VAV3: variants seen among roughly 807,000 people sequenced by gnomAD.
VAV3 encodes the protein vav guanine nucleotide exchange factor 3, also known as guanine nucleotide exchange factor VAV3.
A neutral mutation model predicts 131.2 loss-of-function variants in VAV3; 94 were observed. That is an observed-to-expected ratio of 0.72 (90% CI 0.61 to 0.85). The LOEUF (loss-of-function observed/expected upper bound fraction) is 0.85. Ranked by LOEUF, VAV3 falls within the 40% of genes least tolerant of loss-of-function variation. VAV3 has a pLI of 0.00. For missense variants in VAV3, 939 were observed against 1,002.7 expected, an observed-to-expected ratio of 0.94 and a Z score of 0.86; for synonymous variants, 349 against 342.0, an observed-to-expected ratio of 1.02 and a Z score of -0.22.
chr1:107,665,617 A>G (rs899899867), intron 19 of VAV3, among the ~76,000 whole-genome samples: 8 of 152,162 alleles, frequency 5.3e-5, no homozygotes, highest in African/African-American at 1.9e-4. Flanking sequence ...TCACAAATAC[A>G]CTTTCATATG....
At chr1:107,906,440 G>A (rs1036296850) in intron 1 of VAV3, among the ~76,000 whole-genome samples, 6 of 152,052 alleles carry the variant, frequency 3.9e-5, no homozygotes, top group African/African-American at 1.2e-4. Context: ...CGAGGTGGGC[G>A]GATCATGAGG....
At chr1:107,658,049 G>A (rs1656708795) in intron 19 of VAV3, among the ~76,000 whole-genome samples, 1 of 152,098 alleles carries the variant, frequency 6.6e-6, no homozygotes, top group South Asian at 2.1e-4. Flanking sequence ...TTTACCTACT[G>A]GGCACAATAC....
intron 19 of VAV3, among the ~76,000 whole-genome samples, chr1:107,643,589 T>G (rs1364725385): frequency 2.0e-5 from 3 of 152,146 alleles, no homozygotes; most frequent in African/African-American, 7.2e-5. Flanking sequence ...TTTGCACATT[T>G]AAGGACTGAA....
At chr1:107,650,654 A>G (rs377166936) in intron 19 of VAV3, among the ~76,000 whole-genome samples, 9 of 150,308 alleles carry the variant, frequency 6.0e-5, no homozygotes, top group Admixed American at 5.3e-4. Context: ...GGTGTGCTGC[A>G]CCCATTAACT....
rs184130540 is a variant in VAV3, at chr1:107,824,898, T to C, written c.322-45406A>G. ...AAGAAATAGAAGAACAGGAACACTA[T>C]TTTAAGAGTAAAAGAACCCACAGAT... is the stretch of plus-strand genomic sequence containing the variant. On this transcript the variant is annotated intron_variant, in intron 2 of 26. Coordinates refer to ENST00000370056, the MANE Select transcript of VAV3 (RefSeq NM_006113.5). 2.6e-5 allele frequency among the ~76,000 whole-genome samples: 4 copies of C among 151,706 alleles called. No individual in the cohort carries two copies. The East Asian group carries it at 7.8e-4, about 30-fold the overall frequency.
intron 19 of VAV3, among the ~76,000 whole-genome samples, chr1:107,666,160 C>T (rs1657391927): frequency 1.3e-5 from 2 of 152,058 alleles, no homozygotes; most frequent in South Asian, 4.1e-4. Flanking sequence ...TATTAGGATA[C>T]TAAGATGTGA....
At chr1:107,963,766 T>G (rs1170913181) in intron 1 of VAV3, among the ~76,000 whole-genome samples, 1 of 152,136 alleles carries the variant, frequency 6.6e-6, no homozygotes, top group East Asian at 1.9e-4. Flanking sequence ...GTTTTAACAT[T>G]CTGAAAGAGA....
intron 20 of VAV3, among the ~76,000 whole-genome samples, chr1:107,634,393 T>C (rs1209909051): frequency 6.6e-6 from 1 of 152,122 alleles, no homozygotes; most frequent in Non-Finnish European, 1.5e-5. Context: ...ATTTAATAAA[T>C]GGTGCTGGGA....
intron 12 of VAV3, among the ~76,000 whole-genome samples, chr1:107,753,167 G>T (rs1457811958): frequency 1.3e-5 from 2 of 152,014 alleles, no homozygotes; most frequent in African/African-American, 2.4e-5. Flanking sequence ...CTACAAGGAT[G>T]AACTTTGAAG....
chr1:107,679,330 T>C (rs1373754089), intron 19 of VAV3, among the ~76,000 whole-genome samples: 1 of 152,186 alleles, frequency 6.6e-6, no homozygotes, highest in Non-Finnish European at 1.5e-5. Context: ...GAAAGGACTC[T>C]TATCAATTTA....
At chr1:107,871,832 A>G (rs1002496871) in intron 2 of VAV3, among the ~76,000 whole-genome samples, 4 of 152,166 alleles carry the variant, frequency 2.6e-5, no homozygotes, top group African/African-American at 4.8e-5. Flanking sequence ...AAAACACCAC[A>G]ATGAGAAAAG....
intron 2 of VAV3, among the ~76,000 whole-genome samples, chr1:107,871,263 T>C (rs557413798): frequency 6.6e-5 from 10 of 152,172 alleles, no homozygotes; most frequent in Non-Finnish European, 1.5e-4. Context: ...CAGAAAGAGA[T>C]TCATCTTTTT....
chr1:107,880,265 G>A (rs1670702407), intron 1 of VAV3, among the ~76,000 whole-genome samples: 1 of 152,160 alleles, frequency 6.6e-6, no homozygotes, highest in African/African-American at 2.4e-5. Flanking sequence ...AGGAGTGGTT[G>A]GTGTTTAGAA....
chr1:107,775,121 A>C (rs929594689), intron 4 of VAV3, among the ~76,000 whole-genome samples: 1 of 152,188 alleles, frequency 6.6e-6, no homozygotes. Context: ...AAGGGCTGGC[A>C]TCTCAGAGCA....
chr1:107,745,575 G>A (rs1215580086), intron 15 of VAV3, among the ~76,000 whole-genome samples: 1 of 152,162 alleles, frequency 6.6e-6, no homozygotes, highest in Non-Finnish European at 1.5e-5. Context: ...TGAGATTTAG[G>A]TCACCTCTGG....
Position 107,815,639 on chromosome 1 carries a change from A to G in VAV3, c.322-36147T>C, listed in dbSNP as rs964687974. Among the ~76,000 whole-genome samples, 20 of 152,226 alleles carry G rather than the reference A, an allele frequency of 1.3e-4. 1 individual carries two copies. The highest frequency in any genetic ancestry group is 4.8e-4 in the African/African-American group (20 of 41,462). On this transcript the variant is annotated intron_variant, in intron 2 of 26. Coordinates refer to ENST00000370056, the MANE Select transcript of VAV3 (RefSeq NM_006113.5). ...GAGATGCTAATGAGAATGGCTTATA[A>G]AACAGTAGTAAACTGCTTCTTTAAA...
chr1:107,665,657 A>G (rs762282525), intron 19 of VAV3, among the ~76,000 whole-genome samples: 5 of 152,192 alleles, frequency 3.3e-5, no homozygotes, highest in African/African-American at 4.8e-5. Context: ...CAAGGGTGGG[A>G]GCTAACTAGT....
At chr1:107,908,977 T>C (rs554140889) in intron 1 of VAV3, among the ~76,000 whole-genome samples, 3 of 152,234 alleles carry the variant, frequency 2.0e-5, no homozygotes, top group Admixed American at 2.0e-4. Context: ...GCTATTCATA[T>C]TAATTATTCC....
chr1:107,583,411 C>A (rs1270887242), intron 25 of VAV3, among the ~76,000 whole-genome samples: 1 of 151,978 alleles, frequency 6.6e-6, no homozygotes, highest in African/African-American at 2.4e-5. Flanking sequence ...CTGGCCAGGG[C>A]AATTAGGCAG....
Sources: gnomAD v4.1 joint callset for allele counts (sites outside exome capture counted in the v4.1 genomes callset) on GRCh38, gnomAD v4.1.1 for gene constraint, MANE v1.5 for transcripts, NCBI Gene and HGNC (gene_info 2026-07-23, HGNC 2026-07-21) for gene names.